Variants in ASTN1 observed in about 807,000 individuals in gnomAD.
ASTN1 encodes the protein astrotactin 1.
ASTN1 carries 41 observed loss-of-function variants against 140.7 expected under a neutral mutation model. The observed-to-expected ratio is 0.29, with a 90% CI of 0.23 to 0.38. The LOEUF (loss-of-function observed/expected upper bound fraction) is 0.38, where lower values mean the gene tolerates loss of function less well. Among genes scored for constraint, ASTN1 ranks in the 10% least tolerant of loss-of-function variants. The probability of loss-of-function intolerance (pLI) is 1.00; values close to 1 mark genes in which losing one functional copy is unlikely to be tolerated. For missense variants in ASTN1, 1,479 were observed against 1,678.8 expected (o/e 0.88, Z 2.08); for synonymous variants, 640 against 652.2 (o/e 0.98, Z 0.29).
chr1:177,025,412 G>C (rs1164315766), intron 5 of ASTN1, among the ~76,000 whole-genome samples: 1 of 152,082 alleles, frequency 6.6e-6, no homozygotes, highest in Admixed American at 6.5e-5. Flanking sequence ...GGAGGGAAGA[G>C]TGTTTTGTTT....
chr1:176,956,160 C>A (rs1672391087), intron 11 of ASTN1, among the ~76,000 whole-genome samples: 1 of 152,168 alleles, frequency 6.6e-6, no homozygotes, highest in African/African-American at 2.4e-5. Context: ...GAGCACTGTT[C>A]TTTGCATTTT....
chr1:177,158,170 G>A (rs979616218), intron 1 of ASTN1, among the ~76,000 whole-genome samples: 3 of 152,150 alleles, frequency 2.0e-5, no homozygotes, highest in Non-Finnish European at 4.4e-5. Context: ...AAGTTGTCAT[G>A]TCAGTTTAGA....
intron 8 of ASTN1, among the ~76,000 whole-genome samples, chr1:176,994,747 T>G (rs1674358772): frequency 6.6e-6 from 1 of 152,164 alleles, no homozygotes; most frequent in Admixed American, 6.5e-5. Flanking sequence ...AAAGTGGAGA[T>G]GGATAATGAT....
chr1:177,036,040 T>A (rs538378976), intron 2 of ASTN1, among the ~76,000 whole-genome samples: 3 of 138,348 alleles, frequency 2.2e-5, no homozygotes, highest in Admixed American at 1.4e-4. Context: ...AGCTTTCTTT[T>A]TTTTTTTTTT....
chr1:176,894,867 C>T lies in ASTN1; in HGVS notation c.2672-37G>A, dbSNP rs374554655. On this transcript the variant is annotated intron_variant, in intron 16 of 22. Transcript: ENST00000361833. ...AAATGGAAAGAAACAGTGAAGGAGTCAAAAAAGTAAGGACTATCATGACCT... is the reference window on the plus strand; with the variant it reads ...AAATGGAAAGAAACAGTGAAGGAGTTAAAAAAGTAAGGACTATCATGACCT... The T allele has an allele frequency of 2.5e-6, 4 of 1,607,010 alleles. No individual in the cohort carries two copies. In the African/African-American group the frequency reaches 4.0e-5, roughly 16 times the overall value.
At chr1:176,867,635 A>G (rs1357449803) in intron 22 of ASTN1, among the ~76,000 whole-genome samples, 1 of 152,202 alleles carries the variant, frequency 6.6e-6, no homozygotes, top group African/African-American at 2.4e-5. Flanking sequence ...GATTGTAGAA[A>G]AACCCTGCCA....
chr1:177,029,517 T>C, intron 5 of ASTN1, 117 bp downstream of exon 5: 1 of 1,078,404 alleles, frequency 9.3e-7, no homozygotes, highest in Non-Finnish European at 1.4e-6. Flanking sequence ...AAATTCTTCT[T>C]GCAGAAACTG....
At chr1:176,913,411 G>A (rs893414339) in intron 16 of ASTN1, among the ~76,000 whole-genome samples, 4 of 152,194 alleles carry the variant, frequency 2.6e-5, no homozygotes, top group African/African-American at 4.8e-5. Flanking sequence ...ATGAATGCAT[G>A]TGCCCAGCAT....
At chr1:176,936,426 C>A in intron 14 of ASTN1, 56 bp from the exon 15 acceptor site, 4 of 1,434,744 alleles carry the variant, frequency 2.8e-6, no homozygotes, top group South Asian at 2.3e-5. Flanking sequence ...AGTTCCAAAT[C>A]AAAAAGCATG....
intron 1 of ASTN1, among the ~76,000 whole-genome samples, chr1:177,136,919 T>C (rs1305427025): frequency 3.9e-5 from 6 of 152,232 alleles, no homozygotes; most frequent in African/African-American, 1.4e-4. Context: ...TCAGCATTAT[T>C]GACATTTTGA....
chr1:176,863,413 G>C lies in ASTN1; in HGVS notation c.*871C>G, dbSNP rs746280569. On this transcript the variant is annotated 3_prime_UTR_variant, in exon 23 of 23. Transcript: ENST00000361833. ...AATCCAGGCACATGGATATATATTGGTAGGCTGGAGAAGTCTATCCAAAGG... is the reference window on the plus strand; with the variant it reads ...AATCCAGGCACATGGATATATATTGCTAGGCTGGAGAAGTCTATCCAAAGG... 1.2e-4 allele frequency: 117 copies of C among 985,714 alleles called. No homozygotes were observed. Among genetic ancestry groups the C allele is most frequent in the Non-Finnish European group, 1.4e-4 (115 of 829,920 alleles). The allele number at this position is 985,714 out of a possible 1,614,324, so 61.1% of individuals were successfully genotyped here.
chr1:177,160,452 A>G (rs1378149437), intron 1 of ASTN1, among the ~76,000 whole-genome samples: 1 of 152,256 alleles, frequency 6.6e-6, no homozygotes, highest in Non-Finnish European at 1.5e-5. Flanking sequence ...AAAAGCCATG[A>G]CAGCTAAAGC....
chr1:176,899,200 T>C (rs1269842783), intron 16 of ASTN1, among the ~76,000 whole-genome samples: 3 of 152,188 alleles, frequency 2.0e-5, no homozygotes, highest in Admixed American at 6.5e-5. Context: ...CAGCATACAG[T>C]GGATGAGTTT....
At chr1:177,091,689 T>C (rs1301795723) in intron 1 of ASTN1, among the ~76,000 whole-genome samples, 2 of 152,120 alleles carry the variant, frequency 1.3e-5, no homozygotes, top group Admixed American at 6.6e-5. Context: ...ACACTCCCAT[T>C]AGCAGTTCCC....
intron 8 of ASTN1, among the ~76,000 whole-genome samples, chr1:176,994,760 T>C (rs1674359854): frequency 6.6e-6 from 1 of 152,188 alleles, no homozygotes; most frequent in Non-Finnish European, 1.5e-5. Context: ...ATAATGATAG[T>C]TCATATTCAT....
rs748762150 is a variant in ASTN1 at position 176,861,394 on chromosome 1, A to G, written c.*2890T>C. On this transcript the variant is annotated 3_prime_UTR_variant, in exon 23 of 23. Coordinates refer to ENST00000361833, the MANE Select transcript of ASTN1 (RefSeq NM_004319.3). ...AGGTCTTGGGGACATGGGAGCTGGG[A>G]GAGTGTTGGTGGGATATAAGCACCT... is the stretch of plus-strand genomic sequence containing the variant. 6.1e-6 allele frequency: 6 copies of G among 985,846 alleles called. No individual in the cohort carries two copies. The highest frequency in any genetic ancestry group is 1.7e-5 in the African/African-American group (1 of 57,350). The allele number at this position is 985,846 out of a possible 1,614,324, so 61.1% of individuals were successfully genotyped here.
intron 1 of ASTN1, among the ~76,000 whole-genome samples, chr1:177,131,530 AT>A (rs58465405): frequency 0.16 from 24,246 of 150,164 alleles, 3,902 homozygotes; most frequent in African/African-American, 0.42. Flanking sequence ...ATAAAATTAC[AT>A]TTTTTTTTTA....
intron 16 of ASTN1, among the ~76,000 whole-genome samples, chr1:176,911,883 G>A (rs561140549): frequency 2.0e-5 from 3 of 152,280 alleles, no homozygotes; most frequent in Non-Finnish European, 2.9e-5. Flanking sequence ...GACTGGCAGC[G>A]CAGTAGTTTT....
chr1:176,883,485 C>T (rs543458995), intron 19 of ASTN1, among the ~76,000 whole-genome samples: 11 of 152,310 alleles, frequency 7.2e-5, no homozygotes, highest in Admixed American at 2.6e-4. Context: ...TGAGGCACAA[C>T]GCCTGGCCTG....
Sources: allele counts gnomAD v4.1 joint callset (sites outside exome capture counted in the v4.1 genomes callset), GRCh38; gene constraint gnomAD v4.1.1; transcripts MANE v1.5; gene names NCBI Gene and HGNC (gene_info 2026-07-23, HGNC 2026-07-21).